SMARCAD1: variants seen among roughly 807,000 people sequenced by gnomAD.
SMARCAD1 encodes SNF2 related chromatin remodeling ATPase with DExD box 1, also known as SWI/SNF-related matrix-associated actin-dependent regulator of chromatin subfamily A containing DEAD/H box 1.
A neutral mutation model predicts 127.1 loss-of-function variants in SMARCAD1; 25 were observed. The ratio of observed to expected loss-of-function variants is 0.20; its 90% CI spans 0.14 to 0.27. The LOEUF is 0.27. SMARCAD1 is among the 10% of genes least tolerant of loss of function. The pLI is 1.00. For synonymous variants in SMARCAD1, 400 were observed against 396.9 expected (o/e 1.01, Z -0.09); for missense variants, 807 against 1,206.0 (o/e 0.67, Z 4.90).
chr4:94,227,572 A>G (rs903985242), intron 3 of SMARCAD1, among the ~76,000 whole-genome samples: 2 of 152,214 alleles, frequency 1.3e-5, no homozygotes, highest in African/African-American at 2.4e-5. Context: ...TGGGAGATAA[A>G]GGAGTCAAGG....
At chr4:94,210,842 A>G (rs970005779) in intron 2 of SMARCAD1, among the ~76,000 whole-genome samples, 2 of 150,476 alleles carry the variant, frequency 1.3e-5, no homozygotes, top group Non-Finnish European at 3.0e-5. Context: ...GCTGAGGCAC[A>G]AGAATTGCTT....
intron 3 of SMARCAD1, among the ~76,000 whole-genome samples, chr4:94,228,577 A>C (rs151333681): frequency 2.0e-5 from 3 of 152,246 alleles, no homozygotes; most frequent in East Asian, 3.9e-4. Flanking sequence ...TAAATAAGGA[A>C]TATGTCTTAG....
At chr4:94,256,016 A>C (rs1193788906) in intron 9 of SMARCAD1, among the ~76,000 whole-genome samples, 1 of 152,138 alleles carries the variant, frequency 6.6e-6, no homozygotes, top group Non-Finnish European at 1.5e-5. Context: ...TTTATTGCCA[A>C]ATTTCACACA....
chr4:94,253,105 TGG>T, intron 9 of SMARCAD1, 98 bp downstream of exon 9: 23 of 1,581,038 alleles, frequency 1.5e-5, no homozygotes, highest in Non-Finnish European at 2.0e-5. Context: ...TAAGCATAGA[TGG>T]GTGGCCTTAT....
At chr4:94,268,185 C>T (rs1430872344) in intron 10 of SMARCAD1, among the ~76,000 whole-genome samples, 1 of 152,056 alleles carries the variant, frequency 6.6e-6, no homozygotes, top group African/African-American at 2.4e-5. Context: ...ATGTCCTGAT[C>T]AAAACACCTT....
At chr4:94,274,822 A>C in intron 13 of SMARCAD1, 25 bp downstream of exon 13, 1 of 1,612,628 alleles carries the variant, frequency 6.2e-7, no homozygotes, top group Non-Finnish European at 8.5e-7. Flanking sequence ...TTCTGCTTTT[A>C]ACTTTGGAAA....
chr4:94,248,411 TG>T (rs1480349996), intron 6 of SMARCAD1: 4 of 453,902 alleles, frequency 8.8e-6, no homozygotes, highest in Non-Finnish European at 1.3e-5. Context: ...GTTAGATACT[TG>T]GATCTGTTCC....
At chr4:94,275,797 T>TTTTATTTTATTTTATTTTA (rs771113021) in intron 14 of SMARCAD1, among the ~76,000 whole-genome samples, 42,529 of 102,776 alleles carry the variant, frequency 0.41, 7,679 homozygotes, top group East Asian at 0.61. Context: ...TAACATTTTC[T>TTTTATTTTATTTTATTTTA]TTTTTTTTTT....
chr4:94,278,059 A>AT (rs770715605), intron 16 of SMARCAD1, among the ~76,000 whole-genome samples: 10 of 152,020 alleles, frequency 6.6e-5, no homozygotes, highest in Non-Finnish European at 1.5e-4. Context: ...GAAATAAAGG[A>AT]TTTTCTACCC....
At position 94,289,556 on chromosome 4, in the gene SMARCAD1, A is replaced by G. The variant is rs770973948; in HGVS notation, c.*22A>G. On this transcript the variant is annotated 3_prime_UTR_variant, in exon 24 of 24. Transcript: ENST00000354268. ...GTGAAATAAGAACTGTGAACTCTCA[A>G]TTGATGAGGAAATATCAACTTGGTG... 4 of 1,583,862 alleles carry G rather than the reference A, an allele frequency of 2.5e-6. No homozygotes were observed. Among genetic ancestry groups the G allele is most frequent in the Non-Finnish European group, 3.5e-6 (4 of 1,152,644 alleles).
intron 8 of SMARCAD1, among the ~76,000 whole-genome samples, chr4:94,251,043 C>T (rs1463136748): frequency 6.6e-6 from 1 of 152,072 alleles, no homozygotes; most frequent in African/African-American, 2.4e-5. Context: ...TAAAACAAAA[C>T]AATAAATATC....
intron 9 of SMARCAD1, among the ~76,000 whole-genome samples, chr4:94,262,062 C>T (rs1751072909): frequency 6.6e-6 from 1 of 152,138 alleles, no homozygotes; most frequent in African/African-American, 2.4e-5. Flanking sequence ...TGCTCTCAGT[C>T]TTCTAATCTC....
intron 9 of SMARCAD1, among the ~76,000 whole-genome samples, chr4:94,258,253 T>C (rs1750418688): frequency 6.6e-6 from 1 of 151,714 alleles, no homozygotes; most frequent in African/African-American, 2.4e-5. Flanking sequence ...CTCCCACGTA[T>C]AAGCGATTCT....
intron 6 of SMARCAD1, among the ~76,000 whole-genome samples, chr4:94,247,025 T>G (rs537671291): frequency 6.6e-6 from 1 of 152,352 alleles, no homozygotes; most frequent in South Asian, 2.1e-4. Context: ...GCAAGACTCA[T>G]CTACTTTTTG....
chr4:94,217,084 A>T (rs1002343171), intron 2 of SMARCAD1, among the ~76,000 whole-genome samples: 2 of 152,068 alleles, frequency 1.3e-5, no homozygotes, highest in Non-Finnish European at 2.9e-5. Flanking sequence ...CATCCTCTCC[A>T]ACCTTGTTAT....
At chr4:94,246,698 A>G (rs1294775203) in intron 6 of SMARCAD1, among the ~76,000 whole-genome samples, 2 of 152,186 alleles carry the variant, frequency 1.3e-5, no homozygotes, top group Admixed American at 6.5e-5. Context: ...CACTACCTGT[A>G]TCAAGTCCAG....
At chr4:94,267,689 A>G (rs1183579585) in intron 10 of SMARCAD1, among the ~76,000 whole-genome samples, 2 of 152,120 alleles carry the variant, frequency 1.3e-5, no homozygotes, top group African/African-American at 4.8e-5. Flanking sequence ...ATTATCTCAG[A>G]AAATCTTTAA....
chr4:94,241,406 TC>T (rs1393271017), intron 6 of SMARCAD1, among the ~76,000 whole-genome samples: 3 of 152,352 alleles, frequency 2.0e-5, no homozygotes, highest in Admixed American at 6.5e-5. Context: ...CGTGTTCATC[TC>T]CAAATTTCCC....
At chr4:94,213,813 A>G (rs1742688968) in intron 2 of SMARCAD1, among the ~76,000 whole-genome samples, 2 of 152,212 alleles carry the variant, frequency 1.3e-5, no homozygotes, top group African/African-American at 2.4e-5. Flanking sequence ...TTGTGTTTGC[A>G]TTACCCATCC....
Sources: gnomAD v4.1 joint callset for allele counts (sites outside exome capture counted in the v4.1 genomes callset) on GRCh38, gnomAD v4.1.1 for gene constraint, MANE v1.5 for transcripts, NCBI Gene and HGNC (gene_info 2026-07-23, HGNC 2026-07-21) for gene names.